Variants in COL11A1 observed in about 807,000 individuals in gnomAD.
COL11A1 encodes collagen type XI alpha 1 chain, also known as collagen alpha-1(XI) chain.
A neutral mutation model predicts 265.2 loss-of-function variants in COL11A1; 74 were observed. That is an observed-to-expected ratio of 0.28 (90% CI 0.23 to 0.34). COL11A1 has a LOEUF of 0.34. COL11A1 is among the 10% of genes least tolerant of loss of function. The pLI, the probability that COL11A1 is intolerant of heterozygous loss-of-function variation, is 1.00. For synonymous variants in COL11A1, 816 were observed against 727.6 expected (o/e 1.12, Z -1.96); for missense variants, 2,165 against 2,263.6 (o/e 0.96, Z 0.88).
intron 4 of COL11A1, among the ~76,000 whole-genome samples, chr1:103,066,808 T>C (rs1671190973): frequency 6.6e-6 from 1 of 151,916 alleles, no homozygotes; most frequent in Non-Finnish European, 1.5e-5. Flanking sequence ...ACTTTAACTA[T>C]GCAGACACAT....
chr1:102,971,297 T>C (rs1391308642), intron 36 of COL11A1, among the ~76,000 whole-genome samples: 1 of 152,184 alleles, frequency 6.6e-6, no homozygotes, highest in Non-Finnish European at 1.5e-5. Context: ...ACAAACAAAG[T>C]GAACAACTCT....
At chr1:103,023,370 C>CTTTCTTTT in intron 7 of COL11A1, among the ~76,000 whole-genome samples, 1 of 143,002 alleles carries the variant, frequency 7.0e-6, no homozygotes, top group South Asian at 2.2e-4. Context: ...TTTTTTCTTT[C>CTTTCTTTT]TTTTTTTTTT....
intron 52 of COL11A1, among the ~76,000 whole-genome samples, 153 bp downstream of exon 52, chr1:102,914,199 T>C (rs549459213): frequency 1.2e-4 from 18 of 152,318 alleles, no homozygotes; most frequent in African/African-American, 4.3e-4. Context: ...ACTATATGGA[T>C]TTTCCTGCAT....
intron 36 of COL11A1, among the ~76,000 whole-genome samples, chr1:102,973,645 C>A (rs889281605): frequency 5.9e-5 from 9 of 152,032 alleles, no homozygotes; most frequent in African/African-American, 2.2e-4. Context: ...ACATTTGGAG[C>A]AAAACTGACA....
At chr1:103,006,898 T>C (rs1476131818) in intron 15 of COL11A1, among the ~76,000 whole-genome samples, 1 of 152,186 alleles carries the variant, frequency 6.6e-6, no homozygotes, top group Non-Finnish European at 1.5e-5. Context: ...ACACATTTTA[T>C]TCCCCAAACC....
chr1:103,097,484 C>G (rs1416377700), intron 1 of COL11A1, among the ~76,000 whole-genome samples: 4 of 150,018 alleles, frequency 2.7e-5, no homozygotes, highest in Admixed American at 6.6e-5. Flanking sequence ...TTCGACTTTA[C>G]TAAACTTCTG....
chr1:102,935,913 A>G (rs1658093654), intron 44 of COL11A1, among the ~76,000 whole-genome samples: 1 of 152,258 alleles, frequency 6.6e-6, no homozygotes, highest in South Asian at 2.1e-4. Context: ...ACAGTAAGGC[A>G]TTTTTTGTCC....
chr1:102,947,289 A>C (rs747758975), intron 41 of COL11A1, among the ~76,000 whole-genome samples: 11 of 152,186 alleles, frequency 7.2e-5, no homozygotes, highest in Non-Finnish European at 1.2e-4. Context: ...AAATATATCT[A>C]ATAACCTCCT....
intron 1 of COL11A1, among the ~76,000 whole-genome samples, chr1:103,097,564 T>C (rs1332166537): frequency 2.0e-5 from 3 of 152,022 alleles, no homozygotes; most frequent in Non-Finnish European, 4.4e-5. Flanking sequence ...TTATATTTAC[T>C]TGTACCACTA....
chr1:103,043,190 A>G (rs1403185158), intron 4 of COL11A1, among the ~76,000 whole-genome samples: 1 of 128,354 alleles, frequency 7.8e-6, no homozygotes, highest in Non-Finnish European at 1.7e-5. Context: ...TATAATGTAT[A>G]TATGAAATAC....
At chr1:102,943,385 A>C (rs1245394447) in intron 42 of COL11A1, among the ~76,000 whole-genome samples, 1 of 151,846 alleles carries the variant, frequency 6.6e-6, no homozygotes, top group Non-Finnish European at 1.5e-5. Context: ...TACATCCCAC[A>C]AAAGGGAACT....
chr1:102,986,159 C>G (rs1048060904), intron 30 of COL11A1, among the ~76,000 whole-genome samples: 2 of 151,772 alleles, frequency 1.3e-5, no homozygotes, highest in Non-Finnish European at 2.9e-5. Context: ...GACTTGGAAC[C>G]AACCCAAATG....
At chr1:103,015,887 T>C (rs1666527138) in intron 11 of COL11A1, 145 bp from the exon 12 acceptor site, 2 of 564,420 alleles carry the variant, frequency 3.5e-6, no homozygotes, top group East Asian at 3.1e-5. Flanking sequence ...TAAGTATACC[T>C]AGACAGAATT....
At position 103,078,707 on chromosome 1, in the gene COL11A1, C is replaced by T; in HGVS notation, c.439G>A (p.Ala147Thr). The change falls in exon 3 of 67, where the codon GCC becomes ACC. Residue 147 changes from alanine to threonine, a missense_variant. Physicochemically the swap from Ala to Thr is moderately conservative, Grantham distance 58 (BLOSUM62 0). Coordinates refer to ENST00000370096, the MANE Select transcript of COL11A1 (RefSeq NM_001854.4). ...FLFEDHTGKP[A>T]PEDYPLFRTV... ...CTGAAGAGGGGATAGTCTTCTGGGG[C>T]AGGTTTTCCAGTGTGGTCTTCAAAC... The T allele has an allele frequency of 6.2e-7, 1 of 1,613,428 alleles. No individual in the cohort carries two copies. Among genetic ancestry groups the T allele is most frequent in the Non-Finnish European group, 8.5e-7 (1 of 1,179,616 alleles).
At chr1:103,023,357 T>A (rs983031231) in intron 7 of COL11A1, among the ~76,000 whole-genome samples, 2 of 151,398 alleles carry the variant, frequency 1.3e-5, no homozygotes, top group African/African-American at 4.9e-5. Context: ...CTTTGCTTAA[T>A]GTTTTTTTCT....
At chr1:103,094,993 C>A (rs185738973) in intron 1 of COL11A1, among the ~76,000 whole-genome samples, 443 of 152,128 alleles carry the variant, frequency 2.9e-3, no homozygotes, top group African/African-American at 1.0e-2. Context: ...CCATGGCTCT[C>A]TTAAACCAAC....
At chr1:102,923,982 G>C (rs1250200376) in intron 46 of COL11A1, among the ~76,000 whole-genome samples, 2 of 151,438 alleles carry the variant, frequency 1.3e-5, no homozygotes, top group Non-Finnish European at 2.9e-5. Context: ...GCTGAGGCGG[G>C]CGGATCACGA....
chr1:102,888,811 CTGTTA>C, intron 60 of COL11A1, 50 bp downstream of exon 60: 1 of 1,612,854 alleles, frequency 6.2e-7, no homozygotes, highest in Non-Finnish European at 8.5e-7. Context: ...ATTTGTGTCT[CTGTTA>C]TATTTGTAAC....
At chr1:103,083,581 T>TA (rs1011823081) in intron 1 of COL11A1, among the ~76,000 whole-genome samples, 27 of 152,158 alleles carry the variant, frequency 1.8e-4, no homozygotes, top group African/African-American at 5.8e-4. Flanking sequence ...AGAAAGGTGT[T>TA]AAAAAAATAG....
Sources: allele counts gnomAD v4.1 joint callset (sites outside exome capture counted in the v4.1 genomes callset), GRCh38; gene constraint gnomAD v4.1.1; transcripts MANE v1.5; gene names NCBI Gene and HGNC (gene_info 2026-07-23, HGNC 2026-07-21).